The following DGKI variants were observed in gnomAD, a reference collection of about 807,000 sequenced individuals.
The protein encoded by DGKI is DAG kinase iota.
In DGKI, 55 loss-of-function variants were observed where a neutral mutation model predicts 147.5. The observed-to-expected ratio is 0.37, with a 90% CI of 0.30 to 0.47. The LOEUF is 0.47. DGKI is among the 20% of genes least tolerant of loss of function. DGKI has a pLI of 1.00. For missense variants in DGKI, 1,007 were observed against 1,323.8 expected (o/e 0.76, Z 3.71); for synonymous variants, 469 against 477.1 (o/e 0.98, Z 0.22).
At chr7:137,530,449 T>C (rs1817301792) in intron 20 of DGKI, among the ~76,000 whole-genome samples, 1 of 152,176 alleles carries the variant, frequency 6.6e-6, no homozygotes, top group East Asian at 1.9e-4. Flanking sequence ...TTGGGCCCCA[T>C]GCATCCAAAA....
chr7:137,740,556 G>A (rs1795146468), intron 1 of DGKI, among the ~76,000 whole-genome samples: 3 of 152,158 alleles, frequency 2.0e-5, no homozygotes, highest in South Asian at 2.1e-4. Context: ...ATCAGAGGTC[G>A]TCTGCAAGAA....
At chr7:137,587,892 G>C (rs1435283942) in intron 12 of DGKI, among the ~76,000 whole-genome samples, 4 of 152,102 alleles carry the variant, frequency 2.6e-5, no homozygotes, top group Non-Finnish European at 4.4e-5. Flanking sequence ...TTATATACTA[G>C]AATCATATCC....
intron 20 of DGKI, among the ~76,000 whole-genome samples, chr7:137,538,676 G>T (rs1817593273): frequency 6.6e-6 from 1 of 152,172 alleles, no homozygotes; most frequent in African/African-American, 2.4e-5. Flanking sequence ...CAGTCCGATA[G>T]TTCTCTGCTT....
chr7:137,524,219 GA>G (rs987169045), intron 20 of DGKI, among the ~76,000 whole-genome samples: 91 of 152,228 alleles, frequency 6.0e-4, no homozygotes, highest in African/African-American at 2.2e-3. Context: ...GTGAAGTGAA[GA>G]AAAGTCATGA....
chr7:137,827,754 G>A (rs1798102330), intron 1 of DGKI, among the ~76,000 whole-genome samples: 1 of 152,202 alleles, frequency 6.6e-6, no homozygotes, highest in African/African-American at 2.4e-5. Context: ...TAGGTTAGTG[G>A]AACCTGTTAA....
chr7:137,527,121 C>T (rs1275526685), intron 20 of DGKI, among the ~76,000 whole-genome samples: 2 of 152,138 alleles, frequency 1.3e-5, no homozygotes, highest in Admixed American at 6.6e-5. Flanking sequence ...AAGTTACCTT[C>T]TTTAAACCAT....
Position 137,656,513 on chromosome 7 carries a change from C to T in DGKI, c.634G>A (p.Val212Ile). 6.2e-7 allele frequency: 1 copy of T among 1,614,190 alleles called. No homozygotes were observed. The highest frequency in any genetic ancestry group is 1.1e-5 in the South Asian group (1 of 91,088). The part of the protein sequence containing the change: ...AKSALRRKCA[V>I]CKIVVHTACI... ...GCGGTGTGGACGACGATTTTACAGACTGCACACTTCCTCCTGAGAGCTGAT... is the reference window on the plus strand; with the variant it reads ...GCGGTGTGGACGACGATTTTACAGATTGCACACTTCCTCCTGAGAGCTGAT... The change falls in exon 4 of 33, where the codon GTC (valine) becomes ATC (isoleucine). Residue 212 changes from valine to isoleucine, a missense_variant. This residue lies in a region of DGKI where 259 missense variants were observed against 362.5 expected (regional missense o/e 0.71). Transcript: ENST00000614521.
chr7:137,788,137 AG>A (rs1486401613), intron 1 of DGKI, among the ~76,000 whole-genome samples: 1 of 152,202 alleles, frequency 6.6e-6, no homozygotes, highest in Non-Finnish European at 1.5e-5. Context: ...ACAGCATATT[AG>A]GGATACGATA....
chr7:137,406,497 T>C (rs1811952230), intron 30 of DGKI, among the ~76,000 whole-genome samples: 1 of 152,088 alleles, frequency 6.6e-6, no homozygotes, highest in African/African-American at 2.4e-5. Flanking sequence ...TGGTCTTTCC[T>C]TTTTCTAACC....
At chr7:137,702,019 C>T (rs906786050) in intron 1 of DGKI, among the ~76,000 whole-genome samples, 1 of 152,110 alleles carries the variant, frequency 6.6e-6, no homozygotes, top group Non-Finnish European at 1.5e-5. Flanking sequence ...ACATGTACAG[C>T]TTCAACAGAG....
At chr7:137,464,859 C>G (rs780333708) in intron 26 of DGKI, among the ~76,000 whole-genome samples, 1 of 152,196 alleles carries the variant, frequency 6.6e-6, no homozygotes, top group Non-Finnish European at 1.5e-5. Flanking sequence ...TATTTGGGCA[C>G]ATTGTGTATG....
intron 1 of DGKI, among the ~76,000 whole-genome samples, chr7:137,699,784 T>A (rs567059922): frequency 2.6e-5 from 4 of 152,130 alleles, no homozygotes; most frequent in African/African-American, 9.6e-5. Flanking sequence ...CTTGGTCCCT[T>A]CCCCCTTCAA....
At chr7:137,666,417 A>C (rs1167148727) in intron 3 of DGKI, among the ~76,000 whole-genome samples, 2 of 152,138 alleles carry the variant, frequency 1.3e-5, no homozygotes, top group Non-Finnish European at 2.9e-5. Flanking sequence ...ACAAACACAC[A>C]AACAAACAAA....
intron 16 of DGKI, among the ~76,000 whole-genome samples, 190 bp downstream of exon 16, chr7:137,578,076 CTCTT>C (rs1819050828): frequency 6.6e-6 from 1 of 152,188 alleles, no homozygotes. Flanking sequence ...AACACCAACT[CTCTT>C]TCTGACAGCT....
chr7:137,736,700 T>C (rs1046569770), intron 1 of DGKI, among the ~76,000 whole-genome samples: 4 of 152,072 alleles, frequency 2.6e-5, no homozygotes, highest in African/African-American at 7.2e-5. Flanking sequence ...CCATATGGGA[T>C]CTTCTGTGGG....
At chr7:137,664,323 A>G (rs2116311996) in intron 3 of DGKI, among the ~76,000 whole-genome samples, 1 of 150,700 alleles carries the variant, frequency 6.6e-6, no homozygotes, top group South Asian at 2.1e-4. Context: ...GGTTGCAGTG[A>G]ACTGAGACTG....
intron 1 of DGKI, among the ~76,000 whole-genome samples, chr7:137,825,058 T>G (rs1014811662): frequency 6.6e-6 from 1 of 152,324 alleles, no homozygotes; most frequent in South Asian, 2.1e-4. Context: ...GATTTATATT[T>G]CTCTGAGTAT....
chr7:137,612,754 T>C (rs541840497), intron 8 of DGKI, among the ~76,000 whole-genome samples: 67 of 152,160 alleles, frequency 4.4e-4, no homozygotes, highest in Non-Finnish European at 7.8e-4. Context: ...GTAACACTTG[T>C]GCTATGTTCC....
intron 19 of DGKI, 26 bp from the exon 20 acceptor site, chr7:137,552,594 G>A (rs768014186): frequency 4.5e-5 from 72 of 1,611,084 alleles, no homozygotes; most frequent in Admixed American, 2.3e-4. Flanking sequence ...TCAAAGGGGA[G>A]CAAGGAGTTA....
Sources: allele counts gnomAD v4.1 joint callset (sites outside exome capture counted in the v4.1 genomes callset), GRCh38; gene constraint gnomAD v4.1.1; regional missense constraint gnomAD v4.1.1; transcripts MANE v1.5; gene names NCBI Gene and HGNC (gene_info 2026-07-23, HGNC 2026-07-21).